ANAPC10: variants seen among roughly 807,000 people sequenced by gnomAD.
The protein encoded by ANAPC10 is anaphase-promoting complex subunit 10.
In ANAPC10, 12 loss-of-function variants were observed where a neutral mutation model predicts 22.0. That is an observed-to-expected ratio of 0.55 (90% CI 0.35 to 0.88). ANAPC10 has a LOEUF of 0.88. ANAPC10 is among the 40% of genes least tolerant of loss of function. ANAPC10 has a pLI of 0.01. For missense variants in ANAPC10, 188 were observed against 220.9 expected (o/e 0.85, Z 0.94); for synonymous variants, 65 against 69.5 (o/e 0.94, Z 0.32).
At chr4:145,020,065 A>T (rs1284271775) in intron 4 of ANAPC10, among the ~76,000 whole-genome samples, 1 of 152,134 alleles carries the variant, frequency 6.6e-6, no homozygotes, top group Non-Finnish European at 1.5e-5. Context: ...GAAAGAGGGA[A>T]CCCTCCCTAA....
chr4:145,051,687 T>C (rs1043212844), intron 4 of ANAPC10, among the ~76,000 whole-genome samples: 8 of 152,166 alleles, frequency 5.3e-5, no homozygotes, highest in Non-Finnish European at 1.0e-4. Flanking sequence ...TTCATGCAGT[T>C]AGAGGAATAA....
At chr4:145,014,825 A>G (rs1235322663) in intron 4 of ANAPC10, among the ~76,000 whole-genome samples, 1 of 152,164 alleles carries the variant, frequency 6.6e-6, no homozygotes, top group Non-Finnish European at 1.5e-5. Context: ...GGCCAGACCC[A>G]GAAGAGAGAC....
chr4:145,014,481 A>C (rs1734811157), intron 4 of ANAPC10, among the ~76,000 whole-genome samples: 1 of 151,820 alleles, frequency 6.6e-6, no homozygotes, highest in African/African-American at 2.4e-5. Context: ...CCCTGCCCCT[A>C]CCTGATGGTC....
intron 3 of ANAPC10, among the ~76,000 whole-genome samples, chr4:145,073,000 G>A (rs1744700963): frequency 1.3e-5 from 2 of 151,698 alleles, no homozygotes; most frequent in East Asian, 1.9e-4. Flanking sequence ...TGGCCCAAGC[G>A]ATCCATGTCA....
intron 4 of ANAPC10, among the ~76,000 whole-genome samples, chr4:145,005,990 T>C (rs1733286920): frequency 6.6e-6 from 1 of 152,146 alleles, no homozygotes; most frequent in Admixed American, 6.6e-5. Flanking sequence ...AAGTGTTGAG[T>C]TCAGATCCTG....
At chr4:145,017,077 TA>T (rs1735284346) in intron 4 of ANAPC10, among the ~76,000 whole-genome samples, 2 of 152,158 alleles carry the variant, frequency 1.3e-5, no homozygotes, top group Non-Finnish European at 2.9e-5. Flanking sequence ...ACTTCATGTC[TA>T]AAACACCAAA....
chr4:145,003,421 T>C (rs922286092), intron 4 of ANAPC10, among the ~76,000 whole-genome samples: 27 of 152,258 alleles, frequency 1.8e-4, no homozygotes, highest in African/African-American at 5.5e-4. Context: ...GGTGAAATGG[T>C]AATTCCATTT....
In ANAPC10 at chr4:145,005,753, T is replaced by C. The variant is rs116301453; in HGVS notation, c.328-10150A>G. Among the ~76,000 whole-genome samples, 948 of 152,314 alleles carry C rather than the reference T, an allele frequency of 6.2e-3. 11 individuals carry two copies. The highest frequency in any genetic ancestry group is 0.022 in the African/African-American group (902 of 41,584). ...CTCGAAGCAGGCTGTTTCATTTCCA[T>C]GTAATTGCATGGTTTTCAGTGATTT... is the stretch of plus-strand genomic sequence containing the variant. On this transcript the variant is annotated intron_variant, in intron 4 of 4. Transcript: ENST00000507656.
rs749907563 is a variant in ANAPC10, at chr4:144,995,520, T to C, written c.411A>G (p.Ile137Met). ...NHKKPTRTFM[I>M]QIAVLANHQN... ...GGTGATTGGCTAGAACAGCAATCTG[T>C]ATCATGAATGTACGAGTTGGCTTCT... Residue 137 changes from isoleucine (I) to methionine (M), a missense_variant, in exon 5 of 5, where the codon ATA becomes ATG. Ile to Met is a conservative substitution (Grantham distance 10). Transcript: ENST00000507656. The C allele has an allele frequency of 6.2e-7, 1 of 1,613,976 alleles. No homozygotes were observed.
At chr4:145,017,447 G>T (rs182247751) in intron 4 of ANAPC10, among the ~76,000 whole-genome samples, 1 of 152,092 alleles carries the variant, frequency 6.6e-6, no homozygotes, top group Non-Finnish European at 1.5e-5. Flanking sequence ...TTAGAATGGC[G>T]ATCATTAAAA....
chr4:145,049,746 A>AT (rs996123135), intron 4 of ANAPC10, among the ~76,000 whole-genome samples: 4 of 151,934 alleles, frequency 2.6e-5, no homozygotes, highest in African/African-American at 7.3e-5. Flanking sequence ...CACTCAGTTA[A>AT]TTTTTTTGAA....
chr4:145,016,828 C>A (rs1200600421), intron 4 of ANAPC10, among the ~76,000 whole-genome samples: 1 of 152,164 alleles, frequency 6.6e-6, no homozygotes, highest in Non-Finnish European at 1.5e-5. Context: ...ACATCTACAA[C>A]CATCTGATGT....
At chr4:145,063,986 G>A (rs915955362) in intron 4 of ANAPC10, 1 of 152,054 alleles carries the variant, frequency 6.6e-6, no homozygotes, top group African/African-American at 2.4e-5. Context: ...GGATAGAGAT[G>A]AAGACTGAAC....
intron 2 of ANAPC10, among the ~76,000 whole-genome samples, chr4:145,082,865 T>C (rs1746278190): frequency 6.6e-6 from 1 of 152,218 alleles, no homozygotes; most frequent in South Asian, 2.1e-4. Flanking sequence ...CTAAGTAATA[T>C]ATTCATTATG....
intron 4 of ANAPC10, among the ~76,000 whole-genome samples, chr4:145,034,466 A>G (rs1466932987): frequency 2.0e-5 from 3 of 149,840 alleles, no homozygotes; most frequent in African/African-American, 7.5e-5. Context: ...CTCAGCTTGC[A>G]GACAGCCTAT....
intron 1 of ANAPC10, chr4:145,097,314 T>C (rs755128768): frequency 4.9e-6 from 2 of 407,242 alleles, no homozygotes; most frequent in South Asian, 2.0e-5. Context: ...AACTGGCCCA[T>C]TCTAAAAAGG....
chr4:145,004,028 G>T (rs1402215480), intron 4 of ANAPC10, among the ~76,000 whole-genome samples: 3 of 151,116 alleles, frequency 2.0e-5, no homozygotes, highest in Non-Finnish European at 4.4e-5. Context: ...TATTTTTTTT[G>T]AGTAGTATCT....
In ANAPC10 at chr4:145,089,570, T is replaced by C. The variant is rs768312252; in HGVS notation, c.115+6415A>G. Among the ~76,000 whole-genome samples, 95 of 152,194 alleles carry C rather than the reference T, an allele frequency of 6.2e-4. 2 individuals carry two copies. The highest frequency in any genetic ancestry group is 1.9e-4 in the East Asian group (1 of 5,204). Reference sequence around the variant, plus strand: ...CAGTCTCTTAGGTAGAGACTAACAATTGTGCTGAATTGTAAGATTGTTTTG... The same window carrying C: ...CAGTCTCTTAGGTAGAGACTAACAACTGTGCTGAATTGTAAGATTGTTTTG... On this transcript the variant is annotated intron_variant, in intron 2 of 4. Transcript: ENST00000507656.
Position 145,077,011 on chromosome 4 carries a change from G to A in ANAPC10, c.206+4649C>T, listed in dbSNP as rs183525868. On this transcript the variant is annotated intron_variant, in intron 3 of 4. Coordinates refer to ENST00000507656, the MANE Select transcript of ANAPC10 (RefSeq NM_001256706.2). ...TCAGGAGATCGAGACCATTCTGGCT[G>A]AAACGGTGAAACCCTGTCTCCACTA... 4.6e-3 allele frequency among the ~76,000 whole-genome samples: 701 copies of A among 152,172 alleles called. 3 individuals carry two copies. Among genetic ancestry groups the A allele is most frequent in the African/African-American group, 0.016 (647 of 41,530 alleles).
Sources: gnomAD v4.1 joint callset for allele counts (sites outside exome capture counted in the v4.1 genomes callset) on GRCh38, gnomAD v4.1.1 for gene constraint, MANE v1.5 for transcripts, NCBI Gene and HGNC (gene_info 2026-07-23, HGNC 2026-07-21) for gene names.